Variants in CPAMD8 observed in about 807,000 individuals in gnomAD.
CPAMD8 encodes C3 and PZP like alpha-2-macroglobulin domain containing 8, also known as C3 and PZP-like alpha-2-macroglobulin domain-containing protein 8.
A neutral mutation model predicts 224.7 loss-of-function variants in CPAMD8; 146 were observed. That is an observed-to-expected ratio of 0.65 (90% CI 0.57 to 0.75). The LOEUF (loss-of-function observed/expected upper bound fraction) is 0.75, where lower values mean the gene tolerates loss of function less well. CPAMD8 is among the 30% of genes least tolerant of loss of function. CPAMD8 has a pLI of 0.00. For synonymous variants in CPAMD8, 966 were observed against 1,044.6 expected, an observed-to-expected ratio of 0.92 and a Z score of 1.45; for missense variants, 2,301 against 2,537.5, an observed-to-expected ratio of 0.91 and a Z score of 2.00.
chr19:16,971,173 C>T, intron 17 of CPAMD8, 140 bp from the exon 18 acceptor site: 2 of 707,338 alleles, frequency 2.8e-6, no homozygotes, highest in Non-Finnish European at 4.5e-6. Flanking sequence ...TCTTTTTTTG[C>T]TTTTTTGGGT....
intron 26 of CPAMD8, among the ~76,000 whole-genome samples, chr19:16,924,754 T>A (rs2053297974): frequency 2.0e-5 from 3 of 152,162 alleles, no homozygotes; most frequent in Non-Finnish European, 2.9e-5. Flanking sequence ...CTAACATTTT[T>A]TTTATTTTTT....
intron 25 of CPAMD8, 75 bp from the exon 26 acceptor site, chr19:16,925,447 G>T: frequency 8.1e-7 from 1 of 1,230,654 alleles, no homozygotes; most frequent in Non-Finnish European, 1.2e-6. Flanking sequence ...TTTACCCAGG[G>T]ATGGGAGACA....
At chr19:16,953,652 C>CAAAAAAAAAAAA (rs60937762) in intron 19 of CPAMD8, among the ~76,000 whole-genome samples, 1 of 94,366 alleles carries the variant, frequency 1.1e-5, no homozygotes, top group Non-Finnish European at 2.4e-5. Flanking sequence ...GACCTTGTCT[C>CAAAAAAAAAAAA]AAAAAAAAAA....
chr19:16,968,769 A>G (rs2054947067), intron 18 of CPAMD8, among the ~76,000 whole-genome samples: 1 of 152,084 alleles, frequency 6.6e-6, no homozygotes, highest in Non-Finnish European at 1.5e-5. Context: ...CCTCCCAAGT[A>G]GCTGGGACTA....
intron 11 of CPAMD8, among the ~76,000 whole-genome samples, chr19:16,995,831 A>C (rs1373781612): frequency 6.6e-6 from 1 of 152,172 alleles, no homozygotes; most frequent in Non-Finnish European, 1.5e-5. Context: ...TCTGGCCAAC[A>C]CAGCAAGATC....
Position 16,899,194 on chromosome 19 carries a change from T to C in CPAMD8, c.4848+281A>G, listed in dbSNP as rs1012915942. On this transcript the variant is annotated intron_variant, in intron 37 of 41. Coordinates refer to ENST00000443236, the MANE Select transcript of CPAMD8 (RefSeq NM_015692.5). The surrounding 1 kb of genome is among the most constrained non-coding windows in gnomAD (Gnocchi z 5.4). Reference sequence around the variant, plus strand: ...CCTCAGTCTCCCAAAGTGATGGGATTGCAGGCGTAAGCCAAAGGGCCTGGG... The same window carrying C: ...CCTCAGTCTCCCAAAGTGATGGGATCGCAGGCGTAAGCCAAAGGGCCTGGG... Among the ~76,000 whole-genome samples the C allele has an allele frequency of 2.6e-5, 4 of 152,204 alleles. No homozygotes were observed. Among genetic ancestry groups the C allele is most frequent in the Non-Finnish European group, 5.9e-5 (4 of 68,034 alleles).
Position 16,896,569 on chromosome 19 carries a change from T to C in CPAMD8, c.5162A>G (p.Asn1721Ser), listed in dbSNP as rs2052004199. Residue 1721 changes from asparagine (N) to serine (S), a missense_variant, in exon 40 of 42, where the codon AAC becomes AGC. Coordinates refer to ENST00000443236, the MANE Select transcript of CPAMD8 (RefSeq NM_015692.5). ...CACCCCGTCGGAGCCGCACACCGGGTTCCCCTGGGCGCCGCAGTCGTGGTC... is the reference window on the plus strand; with the variant it reads ...CACCCCGTCGGAGCCGCACACCGGGCTCCCCTGGGCGCCGCAGTCGTGGTC... ...GCDHDCGAQG[N>S]PVCGSDGVVY... 1.3e-6 allele frequency: 2 copies of C among 1,508,896 alleles called. No individual in the cohort carries two copies. The highest frequency in any genetic ancestry group is 1.8e-6 in the Non-Finnish European group (2 of 1,135,456). 93.5% of individuals were successfully genotyped at this position (1,508,896 alleles called of 1,614,324 possible). A position where few individuals can be genotyped will look rare whatever the true frequency, so the allele number is the denominator to read the frequency against.
intron 3 of CPAMD8, 91 bp from the exon 4 acceptor site, chr19:17,011,848 G>T: frequency 7.0e-7 from 1 of 1,425,562 alleles, no homozygotes; most frequent in African/African-American, 1.4e-5. Context: ...GGAACAGGGG[G>T]AACTCACCCC....
At chr19:17,004,173 T>C in intron 8 of CPAMD8, 100 bp downstream of exon 8, 2 of 745,480 alleles carry the variant, frequency 2.7e-6, no homozygotes, top group Non-Finnish European at 4.5e-6. Context: ...CCGAAAGTGC[T>C]GGGATTACAG....
chr19:17,009,641 G>A (rs546772732), intron 5 of CPAMD8: 31 of 220,862 alleles, frequency 1.4e-4, no homozygotes, highest in African/African-American at 1.8e-4. Flanking sequence ...GGGCATGGTC[G>A]TGGGTGCCTG....
intron 6 of CPAMD8, 195 bp downstream of exon 6, chr19:17,009,108 G>A: frequency 7.9e-6 from 6 of 763,650 alleles, no homozygotes; most frequent in Admixed American, 2.6e-5. Flanking sequence ...AAAAAAAAAA[G>A]GAAACGGACA....
At chr19:16,927,619 CAT>C (rs1421320431) in intron 25 of CPAMD8, among the ~76,000 whole-genome samples, 1 of 152,144 alleles carries the variant, frequency 6.6e-6, no homozygotes, top group Non-Finnish European at 1.5e-5. Context: ...TCCTGCACCG[CAT>C]ATCTGGCTGA....
At chr19:16,919,679 C>T (rs919993868) in intron 27 of CPAMD8, among the ~76,000 whole-genome samples, 4 of 152,256 alleles carry the variant, frequency 2.6e-5, no homozygotes, top group Non-Finnish European at 5.9e-5. Context: ...CAGGGTCTTT[C>T]TCCTGCACTG....
chr19:17,021,312 C>T (rs2056950087), intron 2 of CPAMD8, among the ~76,000 whole-genome samples: 2 of 152,148 alleles, frequency 1.3e-5, no homozygotes, highest in Admixed American at 1.3e-4. Context: ...CCACCCAAGT[C>T]AGGAGTGCCT....
intron 23 of CPAMD8, among the ~76,000 whole-genome samples, chr19:16,932,086 C>T (rs1276786143): frequency 6.6e-6 from 1 of 151,524 alleles, no homozygotes; most frequent in Non-Finnish European, 1.5e-5. Flanking sequence ...TCTTGAGCAA[C>T]AGATTCCAGT....
rs2052494425 is a variant in CPAMD8, at chr19:16,906,370, CTTTCTTTCTTTCTTTCT to C, written c.4027+565_4027+581del. The stretch of plus-strand genomic sequence containing the variant: ...TCTTTCTTTCTTTCTTTCTTTCTTT[CTTTCTTTCTTTCTTTCT>C]TTCTTTCTTTCTTTCTTTCTTTCCT... On this transcript the variant is annotated intron_variant, in intron 30 of 41. Coordinates refer to ENST00000443236, the MANE Select transcript of CPAMD8 (RefSeq NM_015692.5). Among the ~76,000 whole-genome samples, 60 of 90,764 alleles carry C rather than the reference CTTTCTTTCTTTCTTTCT, an allele frequency of 6.6e-4. 1 individual carries two copies. Among genetic ancestry groups the C allele is most frequent in the South Asian group, 5.0e-3 (12 of 2,418 alleles). 59.5% of individuals were successfully genotyped at this position (90,764 alleles called of 152,430 possible). A position where few individuals can be genotyped will look rare whatever the true frequency, so the allele number is the denominator to read the frequency against.
intron 14 of CPAMD8, among the ~76,000 whole-genome samples, chr19:16,978,611 G>C (rs897242548): frequency 6.6e-6 from 1 of 152,172 alleles, no homozygotes. Flanking sequence ...TGGAGGGGAT[G>C]CTACTGGCTT....
intron 14 of CPAMD8, among the ~76,000 whole-genome samples, chr19:16,980,012 G>A (rs1263101912): frequency 6.6e-6 from 1 of 152,102 alleles, no homozygotes; most frequent in African/African-American, 2.4e-5. Context: ...ACAGTGCACA[G>A]GACGCCCCCA....
At chr19:16,937,944 G>A (rs550048710) in intron 23 of CPAMD8, among the ~76,000 whole-genome samples, 67 of 152,020 alleles carry the variant, frequency 4.4e-4, no homozygotes, top group Admixed American at 1.2e-3. Context: ...TGAGCCTACC[G>A]CGCCCGGCCA....
Sources: gnomAD v4.1 joint callset for allele counts (sites outside exome capture counted in the v4.1 genomes callset) on GRCh38, gnomAD v4.1.1 for gene constraint, Gnocchi (gnomAD v3.1) non-coding constraint, MANE v1.5 for transcripts, NCBI Gene and HGNC (gene_info 2026-07-23, HGNC 2026-07-21) for gene names.